AADACL2: variants seen among roughly 807,000 people sequenced by gnomAD.
The protein encoded by AADACL2 is arylacetamide deacetylase like 2.
AADACL2 carries 23 observed loss-of-function variants against 22.3 expected under a neutral mutation model. The observed-to-expected ratio is 1.03, with a 90% CI of 0.74 to 1.46. AADACL2 has a LOEUF of 1.46. Ranked by LOEUF, AADACL2 falls within the 40% of genes most tolerant of loss-of-function variation. AADACL2 has a pLI of 0.00. For synonymous variants in AADACL2, 177 were observed against 166.2 expected (o/e 1.07, Z -0.50); for missense variants, 472 against 482.9 (o/e 0.98, Z 0.21).
At chr3:151,746,699 A>G (rs1713457754) in intron 4 of AADACL2, among the ~76,000 whole-genome samples, 1 of 152,084 alleles carries the variant, frequency 6.6e-6, no homozygotes, top group African/African-American at 2.4e-5. Flanking sequence ...TGAGATGATC[A>G]TGTAATTTTT....
chr3:151,753,750 T>C (rs1162231627), intron 4 of AADACL2, among the ~76,000 whole-genome samples: 2 of 152,136 alleles, frequency 1.3e-5, no homozygotes, highest in African/African-American at 4.8e-5. Context: ...CTTCCATGGA[T>C]GACAGGCTAT....
intron 1 of AADACL2, among the ~76,000 whole-genome samples, chr3:151,740,212 C>T (rs186065293): frequency 6.6e-6 from 1 of 152,360 alleles, no homozygotes; most frequent in Non-Finnish European, 1.5e-5. Context: ...CTGGGTAGCA[C>T]AGTCCCTCAA....
rs114299059 is a variant in AADACL2, at chr3:151,748,714, T to A, written c.603+3034T>A. Among the ~76,000 whole-genome samples, 280 of 152,322 alleles carry A rather than the reference T, an allele frequency of 1.8e-3. 1 individual carries two copies. The highest frequency in any genetic ancestry group is 6.5e-3 in the African/African-American group (270 of 41,564). On this transcript the variant is annotated intron_variant, in intron 4 of 4. Coordinates refer to ENST00000356517, the MANE Select transcript of AADACL2 (RefSeq NM_207365.4). ...TGCACATGCAGATACCCGGTTCTCT[T>A]TCATGAGTTAAAGCAGCCAGAGGCC... is the stretch of plus-strand genomic sequence containing the variant.
intron 4 of AADACL2, 109 bp from the exon 5 acceptor site, chr3:151,756,883 C>T: frequency 1.1e-6 from 1 of 902,676 alleles, no homozygotes; most frequent in Non-Finnish European, 1.5e-6. Flanking sequence ...TGATACATCA[C>T]ATCAATTTAT....
chr3:151,740,233 T>G (rs945473916), intron 1 of AADACL2, among the ~76,000 whole-genome samples: 1 of 152,198 alleles, frequency 6.6e-6, no homozygotes, highest in Non-Finnish European at 1.5e-5. Context: ...CGGCTTCCCT[T>G]GGGTGGGGGA....
At chr3:151,734,661 T>C (rs1713033768) in intron 1 of AADACL2, among the ~76,000 whole-genome samples, 1 of 152,206 alleles carries the variant, frequency 6.6e-6, no homozygotes, top group Non-Finnish European at 1.5e-5. Flanking sequence ...TGACTTGGCA[T>C]GTGCAGAATG....
At chr3:151,750,896 G>A (rs1157468919) in intron 4 of AADACL2, among the ~76,000 whole-genome samples, 1 of 152,030 alleles carries the variant, frequency 6.6e-6, no homozygotes, top group Non-Finnish European at 1.5e-5. Flanking sequence ...AAACCCTATT[G>A]TGAAACCAAA....
rs1235304108 is a variant in AADACL2 at position 151,759,026 on chromosome 3, T to C, written c.*1432T>C. The stretch of plus-strand genomic sequence containing the variant: ...AATTATGTTCAAAGAGCCCTTTTTC[T>C]TTCACTCAATTTCAGTACCCCAAAG... On this transcript the variant is annotated 3_prime_UTR_variant, in exon 5 of 5. Transcript: ENST00000356517. 6.6e-6 allele frequency: 1 copy of C among 152,088 alleles called. No individual in the cohort carries two copies. Among genetic ancestry groups the C allele is most frequent in the Non-Finnish European group, 1.5e-5 (1 of 67,976 alleles). 9.4% of individuals were successfully genotyped at this position (152,088 alleles called of 1,614,324 possible).
chr3:151,746,705 T>G (rs557743548), intron 4 of AADACL2, among the ~76,000 whole-genome samples: 5 of 152,224 alleles, frequency 3.3e-5, no homozygotes, highest in African/African-American at 1.2e-4. Flanking sequence ...GATCATGTAA[T>G]TTTTCTTATT....
chr3:151,735,926 G>A (rs182257878), intron 1 of AADACL2, among the ~76,000 whole-genome samples: 1 of 152,172 alleles, frequency 6.6e-6, no homozygotes, highest in Admixed American at 6.5e-5. Flanking sequence ...AAACTGTCCA[G>A]TGACATAACA....
intron 4 of AADACL2, among the ~76,000 whole-genome samples, chr3:151,750,320 A>G (rs1713622408): frequency 6.6e-6 from 1 of 152,188 alleles, no homozygotes; most frequent in Admixed American, 6.5e-5. Flanking sequence ...ATTTTTTAAC[A>G]GTGCTGGGGA....
In AADACL2 at chr3:151,758,570, A is replaced by G. The variant is rs1465677882; in HGVS notation, c.*976A>G. ...ATTATAATTCAAGAATCTGATCTAAATATGCATTCAATAATGAAGAACATT... is the reference window on the plus strand; with the variant it reads ...ATTATAATTCAAGAATCTGATCTAAGTATGCATTCAATAATGAAGAACATT... On this transcript the variant is annotated 3_prime_UTR_variant, in exon 5 of 5. Coordinates refer to ENST00000356517, the MANE Select transcript of AADACL2 (RefSeq NM_207365.4). 1 of 152,118 alleles carries G rather than the reference A, an allele frequency of 6.6e-6. No individual in the cohort carries two copies. The highest frequency in any genetic ancestry group is 1.5e-5 in the Non-Finnish European group (1 of 67,996). The allele number at this position is 152,118 out of a possible 1,614,324, so 9.4% of individuals were successfully genotyped here. A position where few individuals can be genotyped will look rare whatever the true frequency, so the allele number is the denominator to read the frequency against.
In AADACL2 at chr3:151,758,807, G is replaced by A. The variant is rs1714049536; in HGVS notation, c.*1213G>A. 1 of 152,066 alleles carries A rather than the reference G, an allele frequency of 6.6e-6. No homozygotes were observed. The allele number at this position is 152,066 out of a possible 1,614,324, so 9.4% of individuals were successfully genotyped here. ...TGAATCCAACTAAGAAGTTAAAAATGTAGTAAGAAATGTGTATATGTATGA... is the reference window on the plus strand; with the variant it reads ...TGAATCCAACTAAGAAGTTAAAAATATAGTAAGAAATGTGTATATGTATGA... On this transcript the variant is annotated 3_prime_UTR_variant, in exon 5 of 5. Transcript: ENST00000356517.
At chr3:151,751,642 C>T (rs1227306649) in intron 4 of AADACL2, 1 of 151,932 alleles carries the variant, frequency 6.6e-6, no homozygotes, top group East Asian at 1.9e-4. Context: ...AGGATCACAC[C>T]ACTGCAATGC....
chr3:151,740,112 G>C (rs1012709250), intron 1 of AADACL2, among the ~76,000 whole-genome samples: 1 of 152,202 alleles, frequency 6.6e-6, no homozygotes, highest in African/African-American at 2.4e-5. Flanking sequence ...ATCCAGTTTT[G>C]TGCTTGAAAC....
At chr3:151,744,449 A>C (rs941667744) in intron 3 of AADACL2, among the ~76,000 whole-genome samples, 1 of 152,130 alleles carries the variant, frequency 6.6e-6, no homozygotes, top group Non-Finnish European at 1.5e-5. Context: ...CAAGTAACAC[A>C]GCTGGACAGA....
In AADACL2 at chr3:151,740,733, G is replaced by T; in HGVS notation, c.226G>T (p.Asp76Tyr). The T allele has an allele frequency of 6.2e-7, 1 of 1,613,940 alleles. No individual in the cohort carries two copies. Among genetic ancestry groups the T allele is most frequent in the Non-Finnish European group, 8.5e-7 (1 of 1,179,912 alleles). Residue 76 changes from aspartate to tyrosine, a missense_variant, in exon 2 of 5, where the codon GAT becomes TAT. Physicochemically the swap from Asp to Tyr is radical, Grantham distance 160. Transcript: ENST00000356517. ...FRLDYTQPLSDEYITVTDTTF... is the reference protein window; with the variant it reads ...FRLDYTQPLSYEYITVTDTTF... ...GCTGGATTATACCCAACCACTTTCAGATGAATACATCACAGTGACTGATAC... is the reference window on the plus strand; with the variant it reads ...GCTGGATTATACCCAACCACTTTCATATGAATACATCACAGTGACTGATAC...
chr3:151,750,435 C>A (rs997461470), intron 4 of AADACL2, among the ~76,000 whole-genome samples: 7 of 152,156 alleles, frequency 4.6e-5, no homozygotes, highest in Admixed American at 1.3e-4. Flanking sequence ...ACCTACGCAT[C>A]TATGTTCCTA....
At chr3:151,738,765 C>A (rs1713177570) in intron 1 of AADACL2, among the ~76,000 whole-genome samples, 1 of 152,168 alleles carries the variant, frequency 6.6e-6, no homozygotes, top group Non-Finnish European at 1.5e-5. Flanking sequence ...CCCTGATATC[C>A]TTTCTTCCAC....
Sources: allele counts gnomAD v4.1 joint callset (sites outside exome capture counted in the v4.1 genomes callset), GRCh38; gene constraint gnomAD v4.1.1; transcripts MANE v1.5; gene names NCBI Gene and HGNC (gene_info 2026-07-23, HGNC 2026-07-21).